The following SPTLC1 variants were observed in gnomAD, a reference collection of about 807,000 sequenced individuals.
The protein encoded by SPTLC1 is serine palmitoyltransferase 1.
In SPTLC1, 55 loss-of-function variants were observed where a neutral mutation model predicts 68.9. The observed-to-expected ratio is 0.80, with a 90% CI of 0.64 to 1.00. SPTLC1 has a LOEUF of 1.00. Among genes scored for constraint, SPTLC1 ranks in the 50% least tolerant of loss-of-function variants. The probability of loss-of-function intolerance (pLI) is 0.00; values close to 1 mark genes in which losing one functional copy is unlikely to be tolerated. For synonymous variants in SPTLC1, 197 were observed against 201.6 expected, an observed-to-expected ratio of 0.98 and a Z score of 0.19; for missense variants, 449 against 573.1, an observed-to-expected ratio of 0.78 and a Z score of 2.21.
rs1321207825 is a variant in SPTLC1, at chr9:92,059,179, C to G, written c.690G>C (p.Lys230Asn). The G allele has an allele frequency of 1.9e-5, 30 of 1,613,318 alleles. No individual in the cohort carries two copies. Among genetic ancestry groups the G allele is most frequent in the Non-Finnish European group, 2.5e-5 (30 of 1,179,620 alleles). Reference protein sequence around the residue: ...LLKEQEIEDQKNPRKARVTRR... With the variant: ...LLKEQEIEDQNNPRKARVTRR... ...ATAATTTTCTTCAAAAGAATCATACCTTTTGATCTTCGATCTCTTGTTCTT... is the reference window on the plus strand; with the variant it reads ...ATAATTTTCTTCAAAAGAATCATACGTTTTGATCTTCGATCTCTTGTTCTT... The change falls in exon 7 of 15, where the codon AAG (lysine) becomes AAC (asparagine). Residue 230 changes from lysine to asparagine, a missense_variant and splice_region_variant. Physicochemically the swap from Lys to Asn is moderately conservative, Grantham distance 94. Transcript: ENST00000262554.
At chr9:92,065,510 T>C (rs765093411) in intron 6 of SPTLC1, among the ~76,000 whole-genome samples, 2 of 152,182 alleles carry the variant, frequency 1.3e-5, no homozygotes, top group Non-Finnish European at 2.9e-5. Context: ...TAGCCTATGT[T>C]TCCTAGCAGT....
chr9:92,105,728 C>T (rs1835943468), intron 3 of SPTLC1, among the ~76,000 whole-genome samples: 1 of 151,670 alleles, frequency 6.6e-6, no homozygotes, highest in African/African-American at 2.4e-5. Context: ...GGCCGCCTCA[C>T]AGCCCGGGAA....
In SPTLC1 at chr9:92,039,217, C is replaced by T. The variant is rs537177169; in HGVS notation, c.1137-852G>A. On this transcript the variant is annotated intron_variant, in intron 12 of 14. Transcript: ENST00000262554. ...ACAGCAATATGTTTAGATAGAAAAA[C>T]GTCCTTATTTGCATGTTAAGTTTTA... is the stretch of plus-strand genomic sequence containing the variant. 7.0e-4 allele frequency among the ~76,000 whole-genome samples: 106 copies of T among 152,220 alleles called. 1 individual carries two copies. Among genetic ancestry groups the T allele is most frequent in the African/African-American group, 2.3e-3 (96 of 41,532 alleles).
At position 92,034,802 on chromosome 9, in the gene SPTLC1, C is replaced by T; in HGVS notation, c.1328+8G>A. 6.2e-7 allele frequency: 1 copy of T among 1,612,990 alleles called. No individual in the cohort carries two copies. Among genetic ancestry groups the T allele is most frequent in the Non-Finnish European group, 8.5e-7 (1 of 1,178,986 alleles). ...AAAAAATAAGGTCATATTTTAACGTCAACTGACCTGGGAGGAGGGAGACAC... is the reference window on the plus strand; with the variant it reads ...AAAAAATAAGGTCATATTTTAACGTTAACTGACCTGGGAGGAGGGAGACAC... On this transcript the variant is annotated splice_region_variant and intron_variant, in intron 14 of 14. Transcript: ENST00000262554.
At chr9:92,053,977 T>C (rs564081793) in intron 8 of SPTLC1, 1 of 985,442 alleles carries the variant, frequency 1.0e-6, no homozygotes, top group East Asian at 1.1e-4. Context: ...TATGCTGCTT[T>C]CACTATTAAA....
At chr9:92,044,114 GACCTGC>G (rs1229301239) in intron 12 of SPTLC1, among the ~76,000 whole-genome samples, 1 of 152,222 alleles carries the variant, frequency 6.6e-6, no homozygotes, top group African/African-American at 2.4e-5. Context: ...CTGGGTGTGA[GACCTGC>G]AGCTGCAGTG....
chr9:92,107,481 G>A (rs1441844248), intron 3 of SPTLC1, among the ~76,000 whole-genome samples: 7 of 152,226 alleles, frequency 4.6e-5, no homozygotes, highest in Admixed American at 1.3e-4. Flanking sequence ...GGCCAGGTGC[G>A]GCGGCTCACG....
chr9:92,095,824 G>GA (rs1279419841), intron 3 of SPTLC1, among the ~76,000 whole-genome samples: 1 of 152,220 alleles, frequency 6.6e-6, no homozygotes, highest in Non-Finnish European at 1.5e-5. Flanking sequence ...GGCCAGCAGT[G>GA]AAAAGCCAAG....
At chr9:92,109,973 CA>C (rs968219679) in intron 2 of SPTLC1, 34 of 145,224 alleles carry the variant, frequency 2.3e-4, no homozygotes, top group Admixed American at 2.7e-4. Flanking sequence ...AACTCTGTCT[CA>C]AAAAAAAAAA....
At chr9:92,098,925 G>A (rs900131418) in intron 3 of SPTLC1, among the ~76,000 whole-genome samples, 2 of 152,132 alleles carry the variant, frequency 1.3e-5, no homozygotes, top group East Asian at 1.9e-4. Flanking sequence ...GATAACTAAC[G>A]TGTGAACATT....
intron 5 of SPTLC1, among the ~76,000 whole-genome samples, chr9:92,072,521 C>T (rs1369676614): frequency 6.6e-6 from 1 of 152,098 alleles, no homozygotes; most frequent in Non-Finnish European, 1.5e-5. Flanking sequence ...TTGCTCTTTT[C>T]CTTGTCTCTT....
chr9:92,063,133 CAAAG>C (rs1349890657), intron 6 of SPTLC1, among the ~76,000 whole-genome samples: 1 of 151,994 alleles, frequency 6.6e-6, no homozygotes, highest in Non-Finnish European at 1.5e-5. Context: ...ACAAGACTGA[CAAAG>C]AAAACAGGAG....
intron 11 of SPTLC1, 85 bp downstream of exon 11, chr9:92,047,087 A>C: frequency 8.3e-7 from 1 of 1,203,316 alleles, no homozygotes; most frequent in African/African-American, 1.5e-5. Context: ...TTGTCTGGCA[A>C]ATAATTTCTC....
chr9:92,067,318 A>C (rs768660435), intron 6 of SPTLC1, among the ~76,000 whole-genome samples: 6 of 151,412 alleles, frequency 4.0e-5, no homozygotes, highest in African/African-American at 1.2e-4. Context: ...AAAAAAAAAA[A>C]CAGAGAAGAG....
At chr9:92,035,257 G>C (rs1833104894) in intron 13 of SPTLC1, among the ~76,000 whole-genome samples, 1 of 152,184 alleles carries the variant, frequency 6.6e-6, no homozygotes, top group South Asian at 2.1e-4. Context: ...AGCACATGAG[G>C]AAGTGGTGCG....
intron 3 of SPTLC1, among the ~76,000 whole-genome samples, chr9:92,103,692 C>A (rs963260133): frequency 2.0e-5 from 3 of 152,246 alleles, no homozygotes; most frequent in African/African-American, 7.2e-5. Flanking sequence ...CCACGGCAGC[C>A]ATGGAGAAGG....
At chr9:92,077,013 T>C (rs1246495224) in intron 5 of SPTLC1, 1 of 152,226 alleles carries the variant, frequency 6.6e-6, no homozygotes, top group Non-Finnish European at 1.5e-5. Flanking sequence ...GGAATCTTCA[T>C]GCCCCATATC....
chr9:92,096,383 G>GTATA, intron 3 of SPTLC1, among the ~76,000 whole-genome samples: 1 of 151,630 alleles, frequency 6.6e-6, no homozygotes, highest in South Asian at 2.1e-4. Context: ...GTGTGTGTGT[G>GTATA]TATATATATA....
intron 7 of SPTLC1, among the ~76,000 whole-genome samples, chr9:92,056,214 G>A (rs565102824): frequency 6.6e-6 from 1 of 152,264 alleles, no homozygotes. Flanking sequence ...GATGTTCCCA[G>A]GTGGTGGGGT....
Sources: allele counts gnomAD v4.1 joint callset (sites outside exome capture counted in the v4.1 genomes callset), GRCh38; gene constraint gnomAD v4.1.1; transcripts MANE v1.5; gene names NCBI Gene and HGNC (gene_info 2026-07-23, HGNC 2026-07-21).